The following NAA11 variants were observed in gnomAD, a reference collection of about 807,000 sequenced individuals.
NAA11 encodes N-alpha-acetyltransferase 11, NatA catalytic subunit, also known as N-alpha-acetyltransferase 11.
Under a neutral mutation model 16.1 loss-of-function variants are expected in NAA11, and 15 were observed. The observed-to-expected ratio is 0.93, with a 90% CI of 0.62 to 1.44. The LOEUF is 1.44. Ranked by LOEUF, NAA11 falls within the 40% of genes most tolerant of loss-of-function variation. The pLI, the probability that NAA11 is intolerant of heterozygous loss-of-function variation, is 0.00. For missense variants in NAA11, 298 were observed against 291.3 expected, an observed-to-expected ratio of 1.02 and a Z score of -0.17; for synonymous variants, 122 against 112.4, an observed-to-expected ratio of 1.09 and a Z score of -0.54.
intron 2 of NAA11, among the ~76,000 whole-genome samples, chr4:79,233,026 A>C (rs1385059956): frequency 6.6e-6 from 1 of 152,006 alleles, no homozygotes; most frequent in Non-Finnish European, 1.5e-5. Flanking sequence ...TAGATGAGAA[A>C]ATATATAATA....
intron 2 of NAA11, among the ~76,000 whole-genome samples, chr4:79,235,311 C>T (rs1055287977): frequency 3.3e-5 from 5 of 152,026 alleles, no homozygotes; most frequent in African/African-American, 9.7e-5. Context: ...ACTAGCACCT[C>T]GGAGCCAGTG....
chr4:79,302,303 T>C (rs1452959523), intron 1 of NAA11, among the ~76,000 whole-genome samples: 1 of 152,196 alleles, frequency 6.6e-6, no homozygotes, highest in African/African-American at 2.4e-5. Flanking sequence ...GTATTGGTAT[T>C]CTTTTCTGTG....
intron 2 of NAA11, among the ~76,000 whole-genome samples, chr4:79,269,839 T>C (rs1283442205): frequency 6.7e-6 from 1 of 148,396 alleles, no homozygotes; most frequent in Non-Finnish European, 1.5e-5. Context: ...GTTTTAGGTC[T>C]AACGTTTAAA....
At chr4:79,242,829 T>TTACAGCATTCATATCACAGC (rs1434346035) in intron 2 of NAA11, among the ~76,000 whole-genome samples, 1 of 152,228 alleles carries the variant, frequency 6.6e-6, no homozygotes, top group Non-Finnish European at 1.5e-5. Context: ...TATATGGTAG[T>TTACAGCATTCATATCACAGC]TACAGCATTC....
At chr4:79,241,798 T>C (rs1377942039) in intron 2 of NAA11, among the ~76,000 whole-genome samples, 3 of 152,224 alleles carry the variant, frequency 2.0e-5, no homozygotes, top group African/African-American at 7.2e-5. Flanking sequence ...TTTAGGGTTA[T>C]TTTAATGTGG....
rs531089274 is a variant in NAA11 at position 79,244,870 on chromosome 4, T to C, written c.*123-18600A>G. 44 of 160,676 alleles carry C rather than the reference T, an allele frequency of 2.7e-4. No individual in the cohort carries two copies. The East Asian group carries it at 6.9e-3, about 25-fold the overall frequency. 10.0% of individuals were successfully genotyped at this position (160,676 alleles called of 1,614,324 possible). ...TCTCAGCTCCTGACCTCGAGTGATC[T>C]GCCCGCCTCGGCCTCCCGAGGTGCC... On this transcript the variant is annotated intron_variant and NMD_transcript_variant, in intron 2 of 2. Transcript: ENST00000511542.
At chr4:79,165,383 A>C in the NAA11 span, among the ~76,000 whole-genome samples, 6 of 152,194 alleles carry the variant, frequency 3.9e-5, no homozygotes, top group Non-Finnish European at 7.4e-5. Flanking sequence ...AGGCTTGGGA[A>C]ATGGTTCCCC....
At chr4:79,309,769 G>A (rs1043920934) in intron 1 of NAA11, among the ~76,000 whole-genome samples, 1 of 117,322 alleles carries the variant, frequency 8.5e-6, no homozygotes, top group African/African-American at 3.3e-5. Context: ...AGGCTGGAAT[G>A]CAGTGGCACA....
At chr4:79,262,903 TA>T (rs1722270484) in intron 2 of NAA11, among the ~76,000 whole-genome samples, 1 of 152,168 alleles carries the variant, frequency 6.6e-6, no homozygotes, top group African/African-American at 2.4e-5. Flanking sequence ...ATTATATATC[TA>T]TCATCATGCT....
chr4:79,276,938 G>A (rs910443127), intron 2 of NAA11, among the ~76,000 whole-genome samples: 6 of 152,212 alleles, frequency 3.9e-5, no homozygotes, highest in Middle Eastern at 3.4e-3. Context: ...AACCAACAGC[G>A]ATTTATTAAC....
intron 2 of NAA11, among the ~76,000 whole-genome samples, chr4:79,290,399 A>G (rs1723052658): frequency 6.6e-6 from 1 of 152,196 alleles, no homozygotes. Flanking sequence ...GTGGCATTCC[A>G]AAAGCATATG....
chr4:79,249,118 A>G (rs1403546313), intron 2 of NAA11, among the ~76,000 whole-genome samples: 2 of 152,134 alleles, frequency 1.3e-5, no homozygotes, highest in African/African-American at 2.4e-5. Context: ...GGCCCCTAAA[A>G]TCTTCCAGAA....
rs142945883 is a variant in NAA11, at chr4:79,236,917, A to T, written c.*123-10647T>A. 4.5e-3 allele frequency among the ~76,000 whole-genome samples: 681 copies of T among 152,272 alleles called. 2 individuals are homozygous for T. The highest frequency in any genetic ancestry group is 0.014 in the Middle Eastern group (4 of 294). ...CAACTCCGCATGCTAAGTATTATTGACAGGAAGATGGGAAAACTGCCTTCT... is the reference window on the plus strand; with the variant it reads ...CAACTCCGCATGCTAAGTATTATTGTCAGGAAGATGGGAAAACTGCCTTCT... On this transcript the variant is annotated intron_variant and NMD_transcript_variant, in intron 2 of 2. Coordinates refer to the NAA11 transcript ENST00000511542.
intron 1 of NAA11, among the ~76,000 whole-genome samples, chr4:79,298,029 A>T (rs1482215467): frequency 6.6e-6 from 1 of 152,192 alleles, no homozygotes; most frequent in Non-Finnish European, 1.5e-5. Context: ...AGAGCAGATG[A>T]TGGGAAGAGC....
chr4:79,230,933 T>C lies in NAA11; in HGVS notation c.*123-4663A>G, dbSNP rs144243546. Among the ~76,000 whole-genome samples, 464 of 152,152 alleles carry C rather than the reference T, an allele frequency of 3.0e-3. 5 individuals are homozygous for C. The highest frequency in any genetic ancestry group is 0.01 in the African/African-American group (435 of 41,556). ...CTCCCAAAATTTTATTAGAGCCCCCTGTTCAATATTATCATAAGACCTTTA... is the reference window on the plus strand; with the variant it reads ...CTCCCAAAATTTTATTAGAGCCCCCCGTTCAATATTATCATAAGACCTTTA... On this transcript the variant is annotated intron_variant and NMD_transcript_variant, in intron 2 of 2. Transcript: ENST00000511542.
intron 2 of NAA11, among the ~76,000 whole-genome samples, chr4:79,271,318 AC>A (rs1172025587): frequency 2.1e-5 from 3 of 143,960 alleles, no homozygotes; most frequent in African/African-American, 7.8e-5. Flanking sequence ...AATCCAACTT[AC>A]AAGGGATGTG....
chr4:79,304,780 G>A (rs545318845), intron 1 of NAA11, among the ~76,000 whole-genome samples: 1 of 152,216 alleles, frequency 6.6e-6, no homozygotes, highest in Non-Finnish European at 1.5e-5. Context: ...CGGTGGGGGT[G>A]CTGGTTTCAG....
At chr4:79,210,332 A>T in the NAA11 span, among the ~76,000 whole-genome samples, 1 of 152,164 alleles carries the variant, frequency 6.6e-6, no homozygotes, top group Admixed American at 6.5e-5. Context: ...GAGGTTGATC[A>T]GTTAGGGTAG....
downstream of NAA11, among the ~76,000 whole-genome samples, chr4:79,223,144 G>A (rs1298997524): frequency 6.6e-6 from 1 of 150,870 alleles, no homozygotes; most frequent in Non-Finnish European, 1.5e-5. Flanking sequence ...CCCTTTACTG[G>A]GTATATACCC....
Sources: gnomAD v4.1 joint callset for allele counts (sites outside exome capture counted in the v4.1 genomes callset) on GRCh38, gnomAD v4.1.1 for gene constraint, MANE v1.5 for transcripts, NCBI Gene and HGNC (gene_info 2026-07-23, HGNC 2026-07-21) for gene names.